Variants in ATP2C1 observed in about 807,000 individuals in gnomAD.
The protein encoded by ATP2C1 is ATPase secretory pathway Ca2+ transporting 1.
Under a neutral mutation model 120.5 loss-of-function variants are expected in ATP2C1, and 31 were observed. That is an observed-to-expected ratio of 0.26 (90% CI 0.19 to 0.35). ATP2C1 has a LOEUF of 0.35. ATP2C1 is among the 10% of genes least tolerant of loss of function. ATP2C1 has a pLI of 1.00. For synonymous variants in ATP2C1, 351 were observed against 358.7 expected, an observed-to-expected ratio of 0.98 and a Z score of 0.24; for missense variants, 731 against 1,107.5, an observed-to-expected ratio of 0.66 and a Z score of 4.83.
intron 8 of ATP2C1, 113 bp downstream of exon 8, chr3:130,941,812 T>A (rs2059932524): frequency 1.1e-6 from 1 of 934,626 alleles, no homozygotes; most frequent in Admixed American, 2.0e-5. Context: ...TTTGGTATTC[T>A]ACTTTAAAAT....
chr3:130,976,108 T>C (rs1190239393), intron 18 of ATP2C1, among the ~76,000 whole-genome samples: 2 of 152,198 alleles, frequency 1.3e-5, no homozygotes, highest in Non-Finnish European at 2.9e-5. Flanking sequence ...ATATATGTAG[T>C]TATGTAGTCT....
chr3:130,988,488 T>C (rs1403032868), intron 20 of ATP2C1, among the ~76,000 whole-genome samples: 1 of 152,158 alleles, frequency 6.6e-6, no homozygotes, highest in African/African-American at 2.4e-5. Context: ...CTGTCACAAC[T>C]GGATCAAGCC....
rs1469674491 is a variant in ATP2C1, at chr3:130,930,470, T to C, written c.61T>C (p.Leu21=). 1 of 1,613,490 alleles carries C rather than the reference T, an allele frequency of 6.2e-7. No individual in the cohort carries two copies. Among genetic ancestry groups the C allele is most frequent in the African/African-American group, 1.3e-5 (1 of 74,900 alleles). ...TGAAAATGAGACAATGATTCCTGTA[T>C]TGACATCAAAAAAAGCAAGTGAATT... The part of the protein sequence containing the change: ...NGENETMIPV[L]TSKKASELPV... Residue 21 remains leucine (L), a synonymous_variant, in exon 3 of 28, where the codon TTG becomes CTG. Transcript: ENST00000510168.
At chr3:131,000,743 CTTTT>C (rs1482225491) in intron 27 of ATP2C1, among the ~76,000 whole-genome samples, 1 of 151,978 alleles carries the variant, frequency 6.6e-6, no homozygotes, top group Non-Finnish European at 1.5e-5. Context: ...ATCTTTTTTT[CTTTT>C]CTTATTTTTA....
At chr3:130,925,939 T>C (rs2059184581) in intron 2 of ATP2C1, among the ~76,000 whole-genome samples, 1 of 152,120 alleles carries the variant, frequency 6.6e-6, no homozygotes, top group East Asian at 1.9e-4. Flanking sequence ...CTTGCTTCCA[T>C]GCAACCTGTG....
chr3:130,990,770 T>G (rs932179712), intron 20 of ATP2C1, among the ~76,000 whole-genome samples: 4 of 152,148 alleles, frequency 2.6e-5, no homozygotes, highest in Non-Finnish European at 5.9e-5. Context: ...GAATTCTGGA[T>G]ATATTTGTGA....
At chr3:130,901,013 CTTAAT>C (rs1249627422) in intron 2 of ATP2C1, among the ~76,000 whole-genome samples, 4 of 152,090 alleles carry the variant, frequency 2.6e-5, no homozygotes, top group Non-Finnish European at 5.9e-5. Flanking sequence ...TATTAGTTGG[CTTAAT>C]TAAGCTTGGG....
intron 2 of ATP2C1, among the ~76,000 whole-genome samples, chr3:130,917,264 GTTACTTTCAAC>G (rs1333107140): frequency 6.6e-6 from 1 of 152,154 alleles, no homozygotes; most frequent in Non-Finnish European, 1.5e-5. Flanking sequence ...TTTTTGACTT[GTTACTTTCAAC>G]TTATGATGGA....
At chr3:130,940,884 A>G (rs2108443144) in intron 7 of ATP2C1, among the ~76,000 whole-genome samples, 193 bp downstream of exon 7, 1 of 148,626 alleles carries the variant, frequency 6.7e-6, no homozygotes, top group Admixed American at 6.7e-5. Flanking sequence ...GAGATTCTAG[A>G]GACATGGATG....
At chr3:130,999,821 C>G (rs2062802445) in intron 27 of ATP2C1, among the ~76,000 whole-genome samples, 162 bp downstream of exon 27, 1 of 152,168 alleles carries the variant, frequency 6.6e-6, no homozygotes, top group Non-Finnish European at 1.5e-5. Context: ...AGGGGAATTA[C>G]TCTCCTAACT....
intron 2 of ATP2C1, among the ~76,000 whole-genome samples, chr3:130,897,731 C>G (rs1162456797): frequency 1.3e-5 from 2 of 152,134 alleles, no homozygotes; most frequent in African/African-American, 2.4e-5. Context: ...TCCTAGGGCC[C>G]ATTTAAACTT....
intron 1 of ATP2C1, among the ~76,000 whole-genome samples, chr3:130,867,543 C>G (rs1191459546): frequency 1.3e-5 from 2 of 149,002 alleles, no homozygotes; most frequent in African/African-American, 5.0e-5. Context: ...CCGCCAGCCT[C>G]GGCCTCCCGA....
chr3:130,937,315 TCA>T, intron 5 of ATP2C1, 111 bp from the exon 6 acceptor site: 1 of 878,030 alleles, frequency 1.1e-6, no homozygotes, highest in Non-Finnish European at 1.9e-6. Flanking sequence ...CCAGCTGATC[TCA>T]GTGTTTAAAA....
chr3:130,964,860 A>T (rs2060982075), intron 13 of ATP2C1, 88 bp from the exon 14 acceptor site: 5 of 892,488 alleles, frequency 5.6e-6, no homozygotes, highest in Non-Finnish European at 7.2e-6. Flanking sequence ...GAGAAGTAGG[A>T]CAGGATTCTA....
At chr3:130,948,186 T>C (rs1307230546) in intron 8 of ATP2C1, among the ~76,000 whole-genome samples, 20 of 152,226 alleles carry the variant, frequency 1.3e-4, no homozygotes, top group Admixed American at 1.3e-3. Context: ...AGTTACTTTC[T>C]ACTTTCTTAT....
At chr3:130,916,381 A>G (rs748774027) in intron 2 of ATP2C1, among the ~76,000 whole-genome samples, 7 of 152,130 alleles carry the variant, frequency 4.6e-5, no homozygotes, top group Non-Finnish European at 1.5e-5. Context: ...GCGCCACTGC[A>G]CTCCAGCCTG....
downstream of ATP2C1, chr3:131,003,231 A>G: frequency 1.2e-6 from 1 of 812,690 alleles, no homozygotes; most frequent in South Asian, 5.6e-5. Flanking sequence ...ATCCATATGG[A>G]TGCTGGAGAA....
upstream of ATP2C1, among the ~76,000 whole-genome samples, chr3:130,889,677 GCT>G (rs756223054): frequency 7.7e-5 from 5 of 64,858 alleles, no homozygotes; most frequent in South Asian, 1.4e-3. Flanking sequence ...ACAGTTTCTT[GCT>G]CTGTCCCCCA....
At chr3:130,973,281 T>C (rs548435926) in intron 17 of ATP2C1, among the ~76,000 whole-genome samples, 1 of 151,794 alleles carries the variant, frequency 6.6e-6, no homozygotes, top group South Asian at 2.1e-4. Context: ...CAGAGTGGGG[T>C]GAGGGATAAA....
Sources: gnomAD v4.1 joint callset for allele counts (sites outside exome capture counted in the v4.1 genomes callset) on GRCh38, gnomAD v4.1.1 for gene constraint, MANE v1.5 for transcripts, NCBI Gene and HGNC (gene_info 2026-07-23, HGNC 2026-07-21) for gene names.